HIBCH: variants seen among roughly 807,000 people sequenced by gnomAD.
HIBCH encodes 3-hydroxyisobutyryl-CoA hydrolase.
In HIBCH, 50 loss-of-function variants were observed where a neutral mutation model predicts 58.2. The ratio of observed to expected loss-of-function variants is 0.86; its 90% confidence interval spans 0.68 to 1.09. HIBCH has a LOEUF of 1.09. Among genes scored for constraint, HIBCH ranks in the 50% least tolerant of loss-of-function variants. The probability of loss-of-function intolerance (pLI) is 0.00; values close to 1 mark genes in which losing one functional copy is unlikely to be tolerated. For synonymous variants in HIBCH, 151 were observed against 146.9 expected (o/e 1.03, Z -0.20); for missense variants, 450 against 449.7 (o/e 1.00, Z -0.01).
chr2:190,278,813 G>A (rs569802441), intron 6 of HIBCH, among the ~76,000 whole-genome samples: 1 of 151,016 alleles, frequency 6.6e-6, no homozygotes, highest in Admixed American at 6.6e-5. Context: ...GGGAGATAAG[G>A]TAAGCCTAGG....
At chr2:190,251,684 T>TA (rs1559034587) in intron 8 of HIBCH, 12 of 212,722 alleles carry the variant, frequency 5.6e-5, no homozygotes, top group Middle Eastern at 7.1e-4. Context: ...TGTTTTTTTT[T>TA]TAAAAAAAAA....
At chr2:190,233,265 C>T (rs1055994211) in intron 11 of HIBCH, among the ~76,000 whole-genome samples, 1 of 152,004 alleles carries the variant, frequency 6.6e-6, no homozygotes, top group Non-Finnish European at 1.5e-5. Flanking sequence ...CATATGACAC[C>T]ACTGAGAGAG....
Position 190,205,070 on chromosome 2 carries a change from T to G in HIBCH, c.*47A>C. 1 of 1,034,108 alleles carries G rather than the reference T, an allele frequency of 9.7e-7. No homozygotes were observed. Among genetic ancestry groups the G allele is most frequent in the Non-Finnish European group, 1.5e-6 (1 of 660,368 alleles). 64.1% of individuals were successfully genotyped at this position (1,034,108 alleles called of 1,614,324 possible). On this transcript the variant is annotated 3_prime_UTR_variant, in exon 14 of 14. Coordinates refer to ENST00000359678, the MANE Select transcript of HIBCH (RefSeq NM_014362.4). ...CAGGCTGGATTTGGCCCACATGCTGTAGATTGCCAACCCATGCTACAAAAT... is the reference window on the plus strand; with the variant it reads ...CAGGCTGGATTTGGCCCACATGCTGGAGATTGCCAACCCATGCTACAAAAT...
chr2:190,215,609 G>A lies in HIBCH; in HGVS notation c.892-2534C>T, dbSNP rs1690610326. On this transcript the variant is annotated intron_variant, in intron 11 of 13. Transcript: ENST00000359678. The surrounding 1 kb of genome is among the most constrained non-coding windows in gnomAD (Gnocchi z 4.4). ...TGATATTACTAAGAAACTGCAAAAG[G>A]TTAATGGATGGAATGAAAAACCAAT... The A allele has an allele frequency of 6.6e-6, 1 of 152,174 alleles. No homozygotes were observed. The highest frequency in any genetic ancestry group is 1.5e-5 in the Non-Finnish European group (1 of 68,048). 9.4% of individuals were successfully genotyped at this position (152,174 alleles called of 1,614,324 possible). A position where few individuals can be genotyped will look rare whatever the true frequency, so the allele number is the denominator to read the frequency against.
At position 190,218,795 on chromosome 2, in the gene HIBCH, GC is replaced by G. The variant is rs558357831; in HGVS notation, c.892-5721del. On this transcript the variant is annotated intron_variant, in intron 11 of 13. Transcript: ENST00000359678. ...AGGGATGCATGGGGAAATGAGACTT[GC>G]AAAAGTTTATTATTGCTCTTTCCCA... is the stretch of plus-strand genomic sequence containing the variant. Among the ~76,000 whole-genome samples, 378 of 152,294 alleles carry G rather than the reference GC, an allele frequency of 2.5e-3. 5 individuals are homozygous for G. Among genetic ancestry groups the G allele is most frequent in the African/African-American group, 8.9e-3 (368 of 41,560 alleles).
intron 3 of HIBCH, among the ~76,000 whole-genome samples, chr2:190,295,535 T>C (rs927512001): frequency 3.3e-5 from 5 of 152,224 alleles, no homozygotes; most frequent in Admixed American, 3.3e-4. Flanking sequence ...TAAAGAGTTT[T>C]TGAATTTTAT....
downstream of HIBCH, chr2:190,203,410 G>A (rs556339573): frequency 1.2e-5 from 2 of 166,964 alleles, no homozygotes; most frequent in South Asian, 4.2e-4. Flanking sequence ...GCTATGAAGT[G>A]GTATATTTTT....
rs1449555707 is a variant in HIBCH at position 190,217,936 on chromosome 2, T to C, written c.892-4861A>G. 4.6e-5 allele frequency among the ~76,000 whole-genome samples: 7 copies of C among 152,310 alleles called. No individual in the cohort carries two copies. The highest frequency in any genetic ancestry group is 1.7e-4 in the African/African-American group (7 of 41,570). ...TCTAAGGAAAACCTAAAGGAAGCTA[T>C]GAGCAGGCTCCGTCATTGGGGGTGG... On this transcript the variant is annotated intron_variant, in intron 11 of 13. Coordinates refer to ENST00000359678, the MANE Select transcript of HIBCH (RefSeq NM_014362.4). The surrounding 1 kb of genome is among the most constrained non-coding windows in gnomAD (Gnocchi z 4.6).
intron 1 of HIBCH, among the ~76,000 whole-genome samples, chr2:190,316,415 T>C (rs956425255): frequency 1.3e-5 from 2 of 152,182 alleles, no homozygotes; most frequent in Non-Finnish European, 2.9e-5. Flanking sequence ...TGAGTCACCA[T>C]GCCCAGCCGA....
At chr2:190,239,002 G>C (rs1686369856) in intron 11 of HIBCH, among the ~76,000 whole-genome samples, 1 of 152,078 alleles carries the variant, frequency 6.6e-6, no homozygotes, top group Non-Finnish European at 1.5e-5. Context: ...GGCTTTTGTT[G>C]CAATTGCTTT....
At chr2:190,317,678 G>A (rs778708719) in intron 1 of HIBCH, among the ~76,000 whole-genome samples, 1 of 152,216 alleles carries the variant, frequency 6.6e-6, no homozygotes, top group Non-Finnish European at 1.5e-5. Context: ...TGAGACTACT[G>A]TTGAAACCTG....
At chr2:190,305,986 T>C (rs934317414) in intron 2 of HIBCH, among the ~76,000 whole-genome samples, 1 of 152,126 alleles carries the variant, frequency 6.6e-6, no homozygotes, top group African/African-American at 2.4e-5. Flanking sequence ...TTCCATAAAC[T>C]ATTAGCAAAA....
rs1685538556 is a variant in HIBCH, at chr2:190,216,455, G to C, written c.892-3380C>G. On this transcript the variant is annotated intron_variant, in intron 11 of 13. Transcript: ENST00000359678. This position sits in a 1 kb window ranked among gnomAD's most constrained non-coding sequence, Gnocchi z 4.2. Reference sequence around the variant, plus strand: ...TGTCAGTAAGGCTGCAGAAGGTCTGGGGGGCTATATAAGTTAGATCAGAGG... The same window carrying C: ...TGTCAGTAAGGCTGCAGAAGGTCTGCGGGGCTATATAAGTTAGATCAGAGG... Among the ~76,000 whole-genome samples, 1 of 152,152 alleles carries C rather than the reference G, an allele frequency of 6.6e-6. No homozygotes were observed. The highest frequency in any genetic ancestry group is 6.5e-5 in the Admixed American group (1 of 15,274).
chr2:190,197,319 G>A lies in HIBCH; in HGVS notation c.*18-7322C>T, dbSNP rs186981529. On this transcript the variant is annotated intron_variant, in intron 1 of 1. Coordinates refer to the HIBCH transcript ENST00000399855. The surrounding 1 kb of genome is among the most constrained non-coding windows in gnomAD (Gnocchi z 4.0). ...GTAACTAAATACGAAAGTGTTCAAT[G>A]AGATTGCTCCACTCAGGCTGCAATT... is the stretch of plus-strand genomic sequence containing the variant. Among the ~76,000 whole-genome samples the A allele has an allele frequency of 6.6e-6, 1 of 152,278 alleles. No individual in the cohort carries two copies. The highest frequency in any genetic ancestry group is 6.5e-5 in the Admixed American group (1 of 15,298).
chr2:190,252,300 G>C lies in HIBCH; in HGVS notation c.525C>G (p.Phe175Leu). The change falls in exon 8 of 14, where the codon TTC becomes TTG. Residue 175 changes from phenylalanine to leucine, a missense_variant. Coordinates refer to ENST00000359678, the MANE Select transcript of HIBCH (RefSeq NM_014362.4). The stretch of plus-strand genomic sequence containing the variant: ...AGAAATAACCTCCACCCACATCAGG[G>C]AACAGTCCTGTAATTAAATGTAACA... Reference protein sequence around the residue: ...FAMPETAIGLFPDVGGGYFLP... With the variant: ...FAMPETAIGLLPDVGGGYFLP... 1 of 1,612,534 alleles carries C rather than the reference G, an allele frequency of 6.2e-7. No individual in the cohort carries two copies. Among genetic ancestry groups the C allele is most frequent in the Non-Finnish European group, 8.5e-7 (1 of 1,178,716 alleles).
At chr2:190,289,254 T>C (rs942571488) in intron 5 of HIBCH, among the ~76,000 whole-genome samples, 2 of 152,204 alleles carry the variant, frequency 1.3e-5, no homozygotes, top group Non-Finnish European at 2.9e-5. Context: ...AAAACATATA[T>C]ATCCCCATGT....
intron 1 of HIBCH, among the ~76,000 whole-genome samples, chr2:190,314,337 A>ATGTG (rs1559068436): frequency 2.2e-4 from 22 of 102,144 alleles, no homozygotes; most frequent in African/African-American, 7.7e-4. Context: ...ATGTATATAT[A>ATGTG]CATATATATG....
downstream of HIBCH, chr2:190,199,677 AAC>A: frequency 7.1e-7 from 1 of 1,402,992 alleles, no homozygotes; most frequent in Non-Finnish European, 9.3e-7. Context: ...TTCAAAATGA[AAC>A]CTACCTTCTC....
At position 190,244,987 on chromosome 2, in the gene HIBCH, T is replaced by A; in HGVS notation, c.810-19A>T. The stretch of plus-strand genomic sequence containing the variant: ...AAAACAACTATAAAAAAAGGAAATG[T>A]GATTTCACCAATGTGTAAGTGATTT... On this transcript the variant is annotated intron_variant, in intron 10 of 13. Transcript: ENST00000359678. The A allele has an allele frequency of 1.4e-6, 2 of 1,434,474 alleles. No homozygotes were observed. Among genetic ancestry groups the A allele is most frequent in the South Asian group, 1.1e-5 (1 of 87,378 alleles). 88.9% of individuals were successfully genotyped at this position (1,434,474 alleles called of 1,614,324 possible). A position where few individuals can be genotyped will look rare whatever the true frequency, so the allele number is the denominator to read the frequency against.
Sources: allele counts gnomAD v4.1 joint callset (sites outside exome capture counted in the v4.1 genomes callset), GRCh38; gene constraint gnomAD v4.1.1; non-coding constraint Gnocchi (gnomAD v3.1); transcripts MANE v1.5; gene names NCBI Gene and HGNC (gene_info 2026-07-23, HGNC 2026-07-21).